The following TMEM232 variants were observed in gnomAD, a reference collection of about 807,000 sequenced individuals.
The protein encoded by TMEM232 is transmembrane protein 232.
In TMEM232, 80 loss-of-function variants were observed where a neutral mutation model predicts 78.8. That is an observed-to-expected ratio of 1.01 (90% confidence interval 0.85 to 1.22). The LOEUF (loss-of-function observed/expected upper bound fraction) is 1.22. Among genes scored for constraint, TMEM232 ranks in the 50% most tolerant of loss-of-function variants. The pLI is 0.00. For synonymous variants in TMEM232, 297 were observed against 254.3 expected, an observed-to-expected ratio of 1.17 and a Z score of -1.60; for missense variants, 881 against 742.2, an observed-to-expected ratio of 1.19 and a Z score of -2.17.
intron 11 of TMEM232, among the ~76,000 whole-genome samples, chr5:110,566,353 C>G (rs1214605510): frequency 6.6e-6 from 1 of 151,878 alleles, no homozygotes. Flanking sequence ...GCATTTGGCT[C>G]CTTGTTACTT....
chr5:110,560,541 T>C (rs781256577), intron 11 of TMEM232, among the ~76,000 whole-genome samples: 6 of 151,816 alleles, frequency 4.0e-5, no homozygotes, highest in Non-Finnish European at 5.9e-5. Flanking sequence ...TAGTGTTGAC[T>C]AATCATTAAA....
In TMEM232 at chr5:110,642,505, A is replaced by C. The variant is rs113808121; in HGVS notation, c.126-134T>G. 605 of 602,072 alleles carry C rather than the reference A, an allele frequency of 1.0e-3. 5 individuals are homozygous for C. In the African/African-American group the frequency reaches 0.011, roughly 11 times the overall value. 37.3% of individuals were successfully genotyped at this position (602,072 alleles called of 1,614,324 possible). A position where few individuals can be genotyped will look rare whatever the true frequency, so the allele number is the denominator to read the frequency against. On this transcript the variant is annotated intron_variant, in intron 2 of 13. Coordinates refer to ENST00000455884, the MANE Select transcript of TMEM232 (RefSeq NM_001039763.4). ...TTTCTTAATAAAACTGTTTCACACA[A>C]AAAAAATCAGTAAAAGATACATGCA... is the stretch of plus-strand genomic sequence containing the variant.
At chr5:110,627,903 T>C in intron 5 of TMEM232, 23 bp from the exon 6 acceptor site, 3 of 1,420,688 alleles carry the variant, frequency 2.1e-6, no homozygotes, top group Non-Finnish European at 2.9e-6. Flanking sequence ...AAAAGAAAAA[T>C]ACATTTTTGT....
At chr5:110,427,012 T>C (rs1757313179) in intron 12 of TMEM232, among the ~76,000 whole-genome samples, 1 of 152,030 alleles carries the variant, frequency 6.6e-6, no homozygotes, top group South Asian at 2.1e-4. Context: ...AACAAATGAA[T>C]ATGCTTATAC....
At chr5:110,624,724 A>T (rs967028797) in intron 7 of TMEM232, among the ~76,000 whole-genome samples, 3 of 151,980 alleles carry the variant, frequency 2.0e-5, no homozygotes, top group Non-Finnish European at 4.4e-5. Flanking sequence ...ATGTGTTGGA[A>T]TTTTTTTCTT....
intron 5 of TMEM232, 36 bp from the exon 6 acceptor site, chr5:110,627,916 T>C: frequency 7.5e-7 from 1 of 1,326,420 alleles, no homozygotes; most frequent in Non-Finnish European, 1.0e-6. Flanking sequence ...ATTTTTGTGT[T>C]GCATCAATAA....
intron 12 of TMEM232, among the ~76,000 whole-genome samples, chr5:110,445,282 C>T (rs1215184076): frequency 1.3e-5 from 2 of 151,768 alleles, no homozygotes; most frequent in Non-Finnish European, 2.9e-5. Flanking sequence ...CTTTGTTGAG[C>T]TCTAATTAAC....
chr5:110,420,550 A>G lies in TMEM232; in HGVS notation c.*30T>C, dbSNP rs1243156825. 3 of 1,384,360 alleles carry G rather than the reference A, an allele frequency of 2.2e-6. No individual in the cohort carries two copies. Among genetic ancestry groups the G allele is most frequent in the Non-Finnish European group, 2.8e-6 (3 of 1,065,406 alleles). The allele number at this position is 1,384,360 out of a possible 1,614,324, so 85.8% of individuals were successfully genotyped here. A position where few individuals can be genotyped will look rare whatever the true frequency, so the allele number is the denominator to read the frequency against. ...TATGTATTTCTGCCATGTAGTCCTCAATTTTGGGAGGTGACATTTTCTTTT... is the reference window on the plus strand; with the variant it reads ...TATGTATTTCTGCCATGTAGTCCTCGATTTTGGGAGGTGACATTTTCTTTT... On this transcript the variant is annotated 3_prime_UTR_variant, in exon 14 of 14. Coordinates refer to ENST00000455884, the MANE Select transcript of TMEM232 (RefSeq NM_001039763.4).
At chr5:110,624,948 C>CA (rs1166672816) in intron 7 of TMEM232, among the ~76,000 whole-genome samples, 1 of 151,560 alleles carries the variant, frequency 6.6e-6, no homozygotes, top group African/African-American at 2.4e-5. Context: ...ATAAGTTTAA[C>CA]AAAAAAATAA....
intron 11 of TMEM232, among the ~76,000 whole-genome samples, chr5:110,535,603 ACAC>A (rs1273475104): frequency 1.3e-5 from 2 of 152,190 alleles, no homozygotes; most frequent in African/African-American, 4.8e-5. Flanking sequence ...AAAATTAATG[ACAC>A]CACCAAAAAA....
chr5:110,411,321 G>A (rs1292416151), intron 2 of TMEM232, among the ~76,000 whole-genome samples: 1 of 152,128 alleles, frequency 6.6e-6, no homozygotes, highest in Non-Finnish European at 1.5e-5. Flanking sequence ...TTTTCCAGGG[G>A]TTCAATGGTG....
chr5:110,673,106 T>C (rs1791575856), intron 1 of TMEM232, among the ~76,000 whole-genome samples: 1 of 152,138 alleles, frequency 6.6e-6, no homozygotes, highest in Non-Finnish European at 1.5e-5. Context: ...ATATACACCA[T>C]GGAATACTAT....
downstream of TMEM232, among the ~76,000 whole-genome samples, chr5:110,416,859 T>C (rs896360637): frequency 2.0e-5 from 3 of 152,228 alleles, no homozygotes; most frequent in African/African-American, 7.2e-5. Flanking sequence ...AGATATTTTA[T>C]TCCTTAAATG....
chr5:110,548,260 G>A (rs114661921), intron 11 of TMEM232, among the ~76,000 whole-genome samples: 3,041 of 150,128 alleles, frequency 0.02, 79 homozygotes, highest in African/African-American at 0.058. Context: ...ACACATACAC[G>A]AACACATCCA....
chr5:110,721,657 G>A (rs1482468513), intron 1 of TMEM232, among the ~76,000 whole-genome samples: 4 of 29,188 alleles, frequency 1.4e-4, no homozygotes, highest in African/African-American at 2.7e-4. Flanking sequence ...TGCATATCAT[G>A]TGTGTGTGTG....
At chr5:110,397,624 A>T (rs1373548638) in intron 3 of TMEM232, 1 of 152,536 alleles carries the variant, frequency 6.6e-6, no homozygotes, top group African/African-American at 2.4e-5. Context: ...ATTTAACACA[A>T]TAATTCATCA....
At position 110,525,782 on chromosome 5, in the gene TMEM232, A is replaced by AT. The variant is rs201844999; in HGVS notation, c.1703+2805_1703+2806insA. ...AGCCCAATTACATAAATATATAAGAAAATAATTAAAACTATATATTAAAAT... is the reference window on the plus strand; with the variant it reads ...AGCCCAATTACATAAATATATAAGAATAATAATTAAAACTATATATTAAAAT... On this transcript the variant is annotated intron_variant, in intron 12 of 13. Coordinates refer to ENST00000455884, the MANE Select transcript of TMEM232 (RefSeq NM_001039763.4). Among the ~76,000 whole-genome samples, 995 of 151,542 alleles carry AT rather than the reference A, an allele frequency of 6.6e-3. 46 individuals carry two copies. In the East Asian group the frequency reaches 0.13, roughly 20 times the overall value.
intron 1 of TMEM232, among the ~76,000 whole-genome samples, chr5:110,715,051 T>C (rs1341816695): frequency 1.3e-5 from 2 of 152,282 alleles, no homozygotes; most frequent in Non-Finnish European, 2.9e-5. Context: ...TTAACAGGGT[T>C]CCTTGTCTAT....
chr5:110,615,095 C>T (rs1275442921), intron 8 of TMEM232, among the ~76,000 whole-genome samples: 1 of 151,932 alleles, frequency 6.6e-6, no homozygotes, highest in African/African-American at 2.4e-5. Flanking sequence ...TTGATGAACT[C>T]TAATCTAAAG....
Sources: allele counts gnomAD v4.1 joint callset (sites outside exome capture counted in the v4.1 genomes callset), GRCh38; gene constraint gnomAD v4.1.1; transcripts MANE v1.5; gene names NCBI Gene and HGNC (gene_info 2026-07-23, HGNC 2026-07-21).